Variants in ANKAR observed in about 807,000 individuals in gnomAD.
ANKAR encodes ankyrin and armadillo repeat containing, also known as ankyrin and armadillo repeat-containing protein.
A neutral mutation model predicts 146.2 loss-of-function variants in ANKAR; 136 were observed. The ratio of observed to expected loss-of-function variants is 0.93; its 90% CI spans 0.81 to 1.07. The LOEUF (loss-of-function observed/expected upper bound fraction) is 1.07, where lower values mean the gene tolerates loss of function less well. Ranked by LOEUF, ANKAR falls within the 50% of genes least tolerant of loss-of-function variation. The pLI, the probability that ANKAR is intolerant of heterozygous loss-of-function variation, is 0.00. For synonymous variants in ANKAR, 500 were observed against 575.8 expected (o/e 0.87, Z 1.88); for missense variants, 1,567 against 1,679.9 (o/e 0.93, Z 1.18).
intron 10 of ANKAR, among the ~76,000 whole-genome samples, chr2:189,716,060 T>G (rs969918571): frequency 4.6e-5 from 7 of 152,144 alleles, no homozygotes; most frequent in South Asian, 2.1e-4. Flanking sequence ...ACCACTCCTA[T>G]TCAACATAGT....
chr2:189,750,495 C>A, downstream of ANKAR: 5 of 692,082 alleles, frequency 7.2e-6, no homozygotes, highest in East Asian at 5.8e-5. Flanking sequence ...TATTATATAT[C>A]TTCTACAATT....
chr2:189,753,822 A>G, intron 18 of ANKAR: 1 of 1,314,056 alleles, frequency 7.6e-7, no homozygotes, highest in Non-Finnish European at 1.0e-6. Flanking sequence ...TAAGGCATAA[A>G]GATCTGTTCA....
chr2:189,761,553 G>A, downstream of ANKAR: 2 of 1,610,444 alleles, frequency 1.2e-6, no homozygotes, highest in South Asian at 2.2e-5. Flanking sequence ...AGTGTTCCAG[G>A]ATGAAAATTA....
At chr2:189,687,091 C>G (rs1196492214) in intron 2 of ANKAR, among the ~76,000 whole-genome samples, 1 of 151,942 alleles carries the variant, frequency 6.6e-6, no homozygotes. Flanking sequence ...TTTTTGTATC[C>G]ATTAATTATC....
intron 17 of ANKAR, among the ~76,000 whole-genome samples, chr2:189,737,053 G>C (rs1331747800): frequency 6.7e-6 from 1 of 148,926 alleles, no homozygotes; most frequent in African/African-American, 2.5e-5. Context: ...TAGCCTGGGT[G>C]ACAGAGGGAG....
Position 189,745,182 on chromosome 2 carries a change from CTCTG to C in ANKAR, c.4057+398_4057+401del, listed in dbSNP as rs1363414564. On this transcript the variant is annotated intron_variant, in intron 22 of 22. Coordinates refer to ENST00000684021, the MANE Select transcript of ANKAR (RefSeq NM_001378068.1). ...CTCTGGCCTGGGTGACAGAGTGAGACTCTGTCTCAAAAAAAAAAGTAGAGGGTAC... is the reference window on the plus strand; with the variant it reads ...CTCTGGCCTGGGTGACAGAGTGAGACTCTCAAAAAAAAAAGTAGAGGGTAC... Among the ~76,000 whole-genome samples the C allele has an allele frequency of 5.3e-5, 8 of 151,570 alleles. No individual in the cohort carries two copies. In the South Asian group the frequency reaches 1.2e-3, roughly 24 times the overall value.
chr2:189,686,109 C>T (rs1448800719), intron 2 of ANKAR, among the ~76,000 whole-genome samples: 1 of 152,074 alleles, frequency 6.6e-6, no homozygotes, highest in Non-Finnish European at 1.5e-5. Flanking sequence ...CTGCCAGAAT[C>T]CCTTTCATTT....
chr2:189,692,441 CA>C, intron 4 of ANKAR, 23 bp downstream of exon 4: 4 of 1,585,710 alleles, frequency 2.5e-6, no homozygotes, highest in Non-Finnish European at 3.4e-6. Flanking sequence ...ATTCCTTAGA[CA>C]ATTTATCATT....
chr2:189,694,429 A>G (rs2036895590), intron 5 of ANKAR, among the ~76,000 whole-genome samples: 1 of 152,062 alleles, frequency 6.6e-6, no homozygotes, highest in Admixed American at 6.5e-5. Flanking sequence ...TGATAAGCAA[A>G]CCCAGGGAAC....
chr2:189,676,207 C>T (rs2033645449), intron 1 of ANKAR, among the ~76,000 whole-genome samples: 1 of 152,150 alleles, frequency 6.6e-6, no homozygotes, highest in Admixed American at 6.5e-5. Flanking sequence ...TTTTGACATA[C>T]ATCTTCTTGT....
At chr2:189,713,969 C>A (rs1389195364) in intron 10 of ANKAR, among the ~76,000 whole-genome samples, 2 of 152,124 alleles carry the variant, frequency 1.3e-5, no homozygotes, top group Non-Finnish European at 2.9e-5. Flanking sequence ...CCATCCTAGT[C>A]TCTGATAAAA....
At chr2:189,734,143 T>G (rs1191166176) in intron 17 of ANKAR, among the ~76,000 whole-genome samples, 1 of 152,236 alleles carries the variant, frequency 6.6e-6, no homozygotes. Flanking sequence ...AACGTTGATG[T>G]ATTTTACTGG....
intron 20 of ANKAR, 49 bp from the exon 21 acceptor site, chr2:189,743,226 T>G: frequency 3.8e-6 from 6 of 1,560,518 alleles, no homozygotes; most frequent in Non-Finnish European, 5.3e-6. Flanking sequence ...CATTAAGATA[T>G]TTTAAGAACA....
intron 10 of ANKAR, among the ~76,000 whole-genome samples, chr2:189,716,612 A>T (rs1245035075): frequency 7.9e-6 from 1 of 126,544 alleles, no homozygotes; most frequent in East Asian, 2.4e-4. Flanking sequence ...ATGGAACCAA[A>T]AAAGAGCCCA....
chr2:189,760,308 GCTC>G (rs2046823449), intron 18 of ANKAR, among the ~76,000 whole-genome samples: 1 of 152,150 alleles, frequency 6.6e-6, no homozygotes, highest in Non-Finnish European at 1.5e-5. Flanking sequence ...GGGCAGAGGG[GCTC>G]CTCACTTCCC....
intron 7 of ANKAR, among the ~76,000 whole-genome samples, chr2:189,699,713 G>A (rs1354548884): frequency 6.6e-6 from 1 of 152,200 alleles, no homozygotes; most frequent in Non-Finnish European, 1.5e-5. Context: ...AGGCTGGAGT[G>A]CAGTGGTGAG....
intron 18 of ANKAR, among the ~76,000 whole-genome samples, chr2:189,758,892 G>A (rs2046512324): frequency 1.3e-5 from 2 of 152,178 alleles, no homozygotes; most frequent in South Asian, 4.1e-4. Flanking sequence ...TAGATAAAGT[G>A]GTCAGGGTAG....
chr2:189,754,111 T>C, intron 18 of ANKAR: 1 of 1,611,862 alleles, frequency 6.2e-7, no homozygotes, highest in Non-Finnish European at 8.5e-7. Context: ...GGAATATTTA[T>C]CTGTTCAACT....
chr2:189,683,557 A>G (rs550542727), intron 2 of ANKAR, among the ~76,000 whole-genome samples: 2 of 152,330 alleles, frequency 1.3e-5, no homozygotes, highest in Admixed American at 6.5e-5. Flanking sequence ...AGTGTGACTC[A>G]TGGAAACTTG....
Sources: allele counts gnomAD v4.1 joint callset (sites outside exome capture counted in the v4.1 genomes callset), GRCh38; gene constraint gnomAD v4.1.1; transcripts MANE v1.5; gene names NCBI Gene and HGNC (gene_info 2026-07-23, HGNC 2026-07-21).